FBXL7: variants seen among roughly 807,000 people sequenced by gnomAD.
FBXL7 encodes F-box and leucine rich repeat protein 7.
Under a neutral mutation model 38.3 loss-of-function variants are expected in FBXL7, and 12 were observed. That is an observed-to-expected ratio of 0.31 (90% CI 0.20 to 0.51). FBXL7 has a LOEUF of 0.51. FBXL7 is among the 20% of genes least tolerant of loss of function. FBXL7 has a pLI of 0.98. For synonymous variants in FBXL7, 297 were observed against 300.9 expected (o/e 0.99, Z 0.13); for missense variants, 567 against 676.4 (o/e 0.84, Z 1.79).
At chr5:15,555,795 ATAGATAGATAG>A (rs1561025888) in intron 1 of FBXL7, among the ~76,000 whole-genome samples, 1 of 150,330 alleles carries the variant, frequency 6.7e-6, no homozygotes, top group African/African-American at 2.5e-5. Context: ...AGATAGATAG[ATAGATAGATAG>A]ATAGATAGAT....
chr5:15,931,979 G>A (rs1742048610), intron 3 of FBXL7, among the ~76,000 whole-genome samples: 1 of 152,140 alleles, frequency 6.6e-6, no homozygotes, highest in South Asian at 2.1e-4. Flanking sequence ...GATGGACTTG[G>A]AATTCTCAAC....
rs1001508424 is a variant in FBXL7 at position 15,660,794 on chromosome 5, A to G, written c.127+44722A>G. Among the ~76,000 whole-genome samples, 6 of 152,210 alleles carry G rather than the reference A, an allele frequency of 3.9e-5. No individual in the cohort carries two copies. The South Asian group carries it at 1.2e-3, about 32-fold the overall frequency. On this transcript the variant is annotated intron_variant, in intron 2 of 3. Transcript: ENST00000504595. ...ATATTAGCATGAGGTTATATTTATG[A>G]CATAGCCAAGGTGGGCTGTTAAGAT...
In FBXL7 at chr5:15,808,486, A is replaced by G. The variant is rs140194593; in HGVS notation, c.128-119404A>G. Among the ~76,000 whole-genome samples the G allele has an allele frequency of 2.6e-4, 40 of 152,190 alleles. No individual in the cohort carries two copies. In the East Asian group the frequency reaches 6.6e-3, roughly 25 times the overall value. Reference sequence around the variant, plus strand: ...CTTACCCCGTTCTCATCTTCAGGCGACACCATGGGCATGACTGTGTATTTC... The same window carrying G: ...CTTACCCCGTTCTCATCTTCAGGCGGCACCATGGGCATGACTGTGTATTTC... On this transcript the variant is annotated intron_variant, in intron 2 of 3. Coordinates refer to ENST00000504595, the MANE Select transcript of FBXL7 (RefSeq NM_012304.5).
At chr5:15,890,303 G>T (rs1740847153) in intron 2 of FBXL7, among the ~76,000 whole-genome samples, 1 of 151,944 alleles carries the variant, frequency 6.6e-6, no homozygotes, top group South Asian at 2.1e-4. Flanking sequence ...GCCCAGGCTG[G>T]ATCGCAGCAC....
At chr5:15,743,442 A>T (rs1735940137) in intron 2 of FBXL7, among the ~76,000 whole-genome samples, 1 of 152,078 alleles carries the variant, frequency 6.6e-6, no homozygotes, top group African/African-American at 2.4e-5. Context: ...ATCTCCTTTG[A>T]CTCCATGTCT....
chr5:15,579,258 G>A (rs1156466444), intron 1 of FBXL7, among the ~76,000 whole-genome samples: 1 of 152,096 alleles, frequency 6.6e-6, no homozygotes, highest in East Asian at 1.9e-4. Flanking sequence ...ACTCCCCCAG[G>A]CTGTTTTTGG....
chr5:15,932,255 G>A (rs1742056210), intron 3 of FBXL7, among the ~76,000 whole-genome samples: 1 of 152,126 alleles, frequency 6.6e-6, no homozygotes, highest in Non-Finnish European at 1.5e-5. Context: ...TCAAACACAT[G>A]CTCTGAAGGG....
At chr5:15,657,071 A>G (rs571066715) in intron 2 of FBXL7, among the ~76,000 whole-genome samples, 55 of 152,206 alleles carry the variant, frequency 3.6e-4, no homozygotes, top group Non-Finnish European at 7.3e-4. Flanking sequence ...ATTGAAGGAC[A>G]TAAAACAAAA....
chr5:15,905,770 G>A (rs914185880), intron 2 of FBXL7, among the ~76,000 whole-genome samples: 2 of 152,064 alleles, frequency 1.3e-5, no homozygotes, highest in African/African-American at 4.8e-5. Context: ...ATTGTGATGT[G>A]GCTTGGGGGA....
chr5:15,646,101 GTAAAGTGGGGATAATAGTAT>G (rs1741525454), intron 2 of FBXL7, among the ~76,000 whole-genome samples: 1 of 151,158 alleles, frequency 6.6e-6, no homozygotes, highest in South Asian at 2.1e-4. Context: ...CTCTTTGCTT[GTAAAGTGGGGATAATAGTAT>G]ATGTTTCACA....
intron 2 of FBXL7, among the ~76,000 whole-genome samples, chr5:15,914,799 C>T (rs1016643571): frequency 2.0e-5 from 3 of 152,164 alleles, no homozygotes; most frequent in Non-Finnish European, 2.9e-5. Context: ...AGTTGAGCAG[C>T]TTCTGGGTGG....
intron 1 of FBXL7, among the ~76,000 whole-genome samples, chr5:15,540,500 T>C (rs1159393672): frequency 1.3e-5 from 2 of 152,156 alleles, no homozygotes; most frequent in Non-Finnish European, 2.9e-5. Context: ...CCAGAAGTTC[T>C]TCTAAGCTTG....
In FBXL7 at chr5:15,833,373, A is replaced by G. The variant is rs1355760128; in HGVS notation, c.128-94517A>G. On this transcript the variant is annotated intron_variant, in intron 2 of 3. Coordinates refer to ENST00000504595, the MANE Select transcript of FBXL7 (RefSeq NM_012304.5). ...TCATTCATGAGGTCAGAGCCCTCAT[A>G]ACCTAATCACTTTCCAAAGGCACCA... is the stretch of plus-strand genomic sequence containing the variant. Among the ~76,000 whole-genome samples, 4 of 152,110 alleles carry G rather than the reference A, an allele frequency of 2.6e-5. No homozygotes were observed. In the East Asian group the frequency reaches 5.8e-4, roughly 22 times the overall value.
chr5:15,706,890 C>G (rs1743694561), intron 2 of FBXL7, among the ~76,000 whole-genome samples: 1 of 151,950 alleles, frequency 6.6e-6, no homozygotes, highest in Admixed American at 6.6e-5. Context: ...CCCGACATCT[C>G]AAAGTTCCCC....
intron 2 of FBXL7, among the ~76,000 whole-genome samples, chr5:15,714,440 A>C (rs1198236108): frequency 6.6e-6 from 1 of 151,692 alleles, no homozygotes; most frequent in Non-Finnish European, 1.5e-5. Context: ...TAAATTACCC[A>C]GTCTCAGGTA....
At chr5:15,773,625 G>T (rs1301319410) in intron 2 of FBXL7, among the ~76,000 whole-genome samples, 1 of 152,016 alleles carries the variant, frequency 6.6e-6, no homozygotes. Flanking sequence ...CTCCAGCCTG[G>T]GTGACAGATC....
chr5:15,516,317 T>C (rs1359350767), intron 1 of FBXL7, among the ~76,000 whole-genome samples: 1 of 152,234 alleles, frequency 6.6e-6, no homozygotes, highest in African/African-American at 2.4e-5. Context: ...CCCAATTCAA[T>C]GTTAACACTT....
At chr5:15,875,660 G>A (rs974272837) in intron 2 of FBXL7, among the ~76,000 whole-genome samples, 18 of 152,110 alleles carry the variant, frequency 1.2e-4, no homozygotes, top group South Asian at 1.0e-3. Flanking sequence ...AAAGCTCATC[G>A]TCGCTGGCCA....
chr5:15,709,859 A>T (rs2126641385), intron 2 of FBXL7, among the ~76,000 whole-genome samples: 1 of 152,284 alleles, frequency 6.6e-6, no homozygotes, highest in African/African-American at 2.4e-5. Context: ...GATAGTGGAA[A>T]AGTTGGGAAG....
Sources: gnomAD v4.1 joint callset for allele counts (sites outside exome capture counted in the v4.1 genomes callset) on GRCh38, gnomAD v4.1.1 for gene constraint, MANE v1.5 for transcripts, NCBI Gene and HGNC (gene_info 2026-07-23, HGNC 2026-07-21) for gene names.